Variants in LRCH3 observed in about 807,000 individuals in gnomAD.
LRCH3 encodes the protein leucine rich repeats and calponin homology domain containing 3, also known as DISP complex protein LRCH3.
LRCH3 carries 68 observed loss-of-function variants against 104.5 expected under a neutral mutation model. That is an observed-to-expected ratio of 0.65 (90% CI 0.54 to 0.80). The LOEUF (loss-of-function observed/expected upper bound fraction) is 0.80, where lower values mean the gene tolerates loss of function less well. Ranked by LOEUF, LRCH3 falls within the 30% of genes least tolerant of loss-of-function variation. The pLI is 0.00. For synonymous variants in LRCH3, 344 were observed against 361.3 expected, an observed-to-expected ratio of 0.95 and a Z score of 0.54; for missense variants, 951 against 953.9, an observed-to-expected ratio of 1.00 and a Z score of 0.04.
chr3:197,853,170 A>T (rs1246588399), intron 13 of LRCH3, among the ~76,000 whole-genome samples: 1 of 152,008 alleles, frequency 6.6e-6, no homozygotes, highest in African/African-American at 2.4e-5. Context: ...TCCCTTTAAA[A>T]ACCTACCAGT....
At chr3:197,848,526 ATGT>A (rs1181084960) in intron 12 of LRCH3, 4 of 152,468 alleles carry the variant, frequency 2.6e-5, no homozygotes, top group African/African-American at 9.6e-5. Flanking sequence ...AGTGCCTGAA[ATGT>A]TGTCATTTTA....
At chr3:197,851,610 AT>A (rs1266243683) in intron 12 of LRCH3, among the ~76,000 whole-genome samples, 8 of 152,342 alleles carry the variant, frequency 5.3e-5, no homozygotes, top group African/African-American at 1.7e-4. Flanking sequence ...CTACTGAGCC[AT>A]TTTATGCTGT....
At chr3:197,838,208 C>G (rs769592248) in intron 9 of LRCH3, among the ~76,000 whole-genome samples, 1 of 152,212 alleles carries the variant, frequency 6.6e-6, no homozygotes, top group South Asian at 2.1e-4. Context: ...CTGCTTGAGC[C>G]CGGCAGTTTG....
chr3:197,845,273 T>C (rs1229037300), intron 10 of LRCH3, among the ~76,000 whole-genome samples: 1 of 151,688 alleles, frequency 6.6e-6, no homozygotes, highest in African/African-American at 2.4e-5. Flanking sequence ...TAGCCAGGCA[T>C]GGTGGTGCAC....
At chr3:197,824,854 G>A (rs1381422558) in intron 4 of LRCH3, among the ~76,000 whole-genome samples, 1 of 152,196 alleles carries the variant, frequency 6.6e-6, no homozygotes, top group Non-Finnish European at 1.5e-5. Flanking sequence ...ACAGGCGTGA[G>A]CCACTGCACC....
chr3:197,873,858 TA>T (rs1712538139), intron 19 of LRCH3, among the ~76,000 whole-genome samples: 1 of 151,814 alleles, frequency 6.6e-6, no homozygotes, highest in Non-Finnish European at 1.5e-5. Flanking sequence ...CCATCTCTAC[TA>T]AAAATACAAA....
intron 1 of LRCH3, among the ~76,000 whole-genome samples, chr3:197,798,974 C>T (rs1731577015): frequency 6.6e-6 from 1 of 152,080 alleles, no homozygotes; most frequent in African/African-American, 2.4e-5. Flanking sequence ...AGAACTCTCT[C>T]ATCACTGCAG....
intron 15 of LRCH3, among the ~76,000 whole-genome samples, chr3:197,861,067 G>A (rs914426132): frequency 6.6e-6 from 1 of 151,544 alleles, no homozygotes; most frequent in African/African-American, 2.4e-5. Flanking sequence ...TGCCTCCTGG[G>A]TTTAAAGCGA....
At chr3:197,849,291 AAGT>A (rs1739229544) in intron 12 of LRCH3, among the ~76,000 whole-genome samples, 2 of 151,090 alleles carry the variant, frequency 1.3e-5, no homozygotes, top group South Asian at 4.2e-4. Flanking sequence ...AAAAAAAAAA[AAGT>A]AGGCAAATCT....
intron 3 of LRCH3, 58 bp downstream of exon 3, chr3:197,817,360 G>GTGTGTTTATATATATA: frequency 2.6e-5 from 2 of 77,940 alleles, no homozygotes; most frequent in Non-Finnish European, 3.6e-5. Context: ...GTGTGTGTGT[G>GTGTGTTTATATATATA]TATATATATA....
rs893620975 is a variant in LRCH3 at position 197,883,147 on chromosome 3, T to G, written c.2209-394T>G. 6.1e-6 allele frequency: 6 copies of G among 989,194 alleles called. No individual in the cohort carries two copies. Among genetic ancestry groups the G allele is most frequent in the Non-Finnish European group, 7.2e-6 (6 of 832,516 alleles). The allele number at this position is 989,194 out of a possible 1,614,324, so 61.3% of individuals were successfully genotyped here. A position where few individuals can be genotyped will look rare whatever the true frequency, so the allele number is the denominator to read the frequency against. Reference sequence around the variant, plus strand: ...CCTCAAGTGTAGTATCTTTTACTCTTGAGCCATCTGGTAGCGTGGAATTGT... The same window carrying G: ...CCTCAAGTGTAGTATCTTTTACTCTGGAGCCATCTGGTAGCGTGGAATTGT... On this transcript the variant is annotated intron_variant, in intron 20 of 20. Coordinates refer to ENST00000425562, the MANE Select transcript of LRCH3 (RefSeq NM_001365715.1). This position sits in a 1 kb window ranked among gnomAD's most constrained non-coding sequence, Gnocchi z 4.2.
chr3:197,870,135 G>C, intron 17 of LRCH3, 25 bp from the exon 18 acceptor site: 1 of 1,608,040 alleles, frequency 6.2e-7, no homozygotes, highest in Non-Finnish European at 8.5e-7. Flanking sequence ...TTGCCTTTCT[G>C]TCTTACATAT....
intron 19 of LRCH3, among the ~76,000 whole-genome samples, chr3:197,875,490 C>G (rs1712780543): frequency 6.6e-6 from 1 of 152,128 alleles, no homozygotes; most frequent in African/African-American, 2.4e-5. Flanking sequence ...GTGGCGAACC[C>G]TGTCTCTACA....
intron 18 of LRCH3, among the ~76,000 whole-genome samples, chr3:197,870,918 GCTCTA>G (rs1712101312): frequency 6.6e-6 from 1 of 152,096 alleles, no homozygotes; most frequent in Admixed American, 6.6e-5. Context: ...TCAATTCCTA[GCTCTA>G]CTCATTTAAA....
At chr3:197,804,310 A>T (rs938755870) in intron 1 of LRCH3, among the ~76,000 whole-genome samples, 6 of 152,216 alleles carry the variant, frequency 3.9e-5, no homozygotes, top group Non-Finnish European at 8.8e-5. Flanking sequence ...CAAAGAAGAA[A>T]GTTATGACAC....
chr3:197,867,416 C>CA (rs1465463205), intron 17 of LRCH3, among the ~76,000 whole-genome samples: 5 of 149,766 alleles, frequency 3.3e-5, no homozygotes, highest in Non-Finnish European at 5.9e-5. Flanking sequence ...ACTTATGTCT[C>CA]AAAAAAAATT....
intron 10 of LRCH3, among the ~76,000 whole-genome samples, chr3:197,842,465 C>T (rs989585062): frequency 6.6e-6 from 1 of 152,206 alleles, no homozygotes; most frequent in African/African-American, 2.4e-5. Context: ...AACAAAAAGA[C>T]TCTACCTCAG....
intron 15 of LRCH3, among the ~76,000 whole-genome samples, chr3:197,862,498 T>C (rs1223101455): frequency 2.6e-5 from 4 of 152,154 alleles, no homozygotes; most frequent in African/African-American, 7.2e-5. Flanking sequence ...AAATTTCTAG[T>C]CTATGTCCTG....
chr3:197,800,088 C>T (rs1010130866), intron 1 of LRCH3, among the ~76,000 whole-genome samples: 7 of 151,824 alleles, frequency 4.6e-5, no homozygotes, highest in Non-Finnish European at 7.4e-5. Context: ...ACTCGGGAGG[C>T]TGAGGCAGGA....
Sources: allele counts gnomAD v4.1 joint callset (sites outside exome capture counted in the v4.1 genomes callset), GRCh38; gene constraint gnomAD v4.1.1; non-coding constraint Gnocchi (gnomAD v3.1); transcripts MANE v1.5; gene names NCBI Gene and HGNC (gene_info 2026-07-23, HGNC 2026-07-21).